Variants in RABGAP1L observed in about 807,000 individuals in gnomAD.
RABGAP1L encodes the protein rab GTPase-activating protein 1-like.
RABGAP1L carries 63 observed loss-of-function variants against 137.7 expected under a neutral mutation model. The ratio of observed to expected loss-of-function variants is 0.46; its 90% CI spans 0.37 to 0.56. RABGAP1L has a LOEUF of 0.56. Ranked by LOEUF, RABGAP1L falls within the 20% of genes least tolerant of loss-of-function variation. RABGAP1L has a pLI of 0.00. For synonymous variants in RABGAP1L, 431 were observed against 433.7 expected (o/e 0.99, Z 0.08); for missense variants, 1,095 against 1,244.0 (o/e 0.88, Z 1.80).
At chr1:174,465,172 A>G (rs1212135660) in intron 13 of RABGAP1L, among the ~76,000 whole-genome samples, 2 of 152,158 alleles carry the variant, frequency 1.3e-5, no homozygotes, top group Non-Finnish European at 2.9e-5. Flanking sequence ...TCTTTAACAC[A>G]TTGCTAATTC....
At chr1:174,587,433 T>G (rs1669209018) in intron 13 of RABGAP1L, among the ~76,000 whole-genome samples, 1 of 141,234 alleles carries the variant, frequency 7.1e-6, no homozygotes, top group Non-Finnish European at 1.5e-5. Context: ...CCCTAAAACT[T>G]AAAGTATAAT....
At chr1:174,775,194 C>T (rs1686425758) in intron 18 of RABGAP1L, among the ~76,000 whole-genome samples, 1 of 152,102 alleles carries the variant, frequency 6.6e-6, no homozygotes, top group African/African-American at 2.4e-5. Context: ...ATTCACATTC[C>T]ATTGACAAAA....
intron 7 of RABGAP1L, among the ~76,000 whole-genome samples, chr1:174,271,202 G>A (rs1052941187): frequency 1.6e-4 from 25 of 151,982 alleles, no homozygotes; most frequent in East Asian, 1.5e-3. Context: ...TGCTATGTAC[G>A]TGATCATTTT....
At chr1:174,334,196 C>T (rs958787304) in intron 11 of RABGAP1L, among the ~76,000 whole-genome samples, 1 of 152,190 alleles carries the variant, frequency 6.6e-6, no homozygotes, top group Non-Finnish European at 1.5e-5. Context: ...GACGGATACC[C>T]GATTCTCCCA....
At chr1:174,915,709 C>A (rs1486474940) in intron 19 of RABGAP1L, among the ~76,000 whole-genome samples, 8 of 152,224 alleles carry the variant, frequency 5.3e-5, no homozygotes, top group Non-Finnish European at 1.2e-4. Context: ...CCCACCTCGG[C>A]CTCCCAAAGT....
At chr1:174,598,230 A>C (rs987910523) in intron 13 of RABGAP1L, among the ~76,000 whole-genome samples, 6 of 150,078 alleles carry the variant, frequency 4.0e-5, no homozygotes, top group Non-Finnish European at 7.4e-5. Flanking sequence ...TGGGAGGCTG[A>C]GGCAGGGGAA....
chr1:174,160,693 A>C (rs1028959634), intron 1 of RABGAP1L, among the ~76,000 whole-genome samples: 1 of 152,216 alleles, frequency 6.6e-6, no homozygotes, highest in Non-Finnish European at 1.5e-5. Context: ...GATTTTTAAT[A>C]CATTTAAATT....
At chr1:174,320,903 A>T (rs935796239) in intron 11 of RABGAP1L, among the ~76,000 whole-genome samples, 1 of 152,196 alleles carries the variant, frequency 6.6e-6, no homozygotes, top group Non-Finnish European at 1.5e-5. Context: ...AGTGATGTTC[A>T]GGGAACAAGG....
At chr1:174,948,479 C>G (rs964968191) in intron 19 of RABGAP1L, among the ~76,000 whole-genome samples, 3 of 138,074 alleles carry the variant, frequency 2.2e-5, no homozygotes, top group African/African-American at 8.3e-5. Flanking sequence ...CACTGCACTT[C>G]AGCCGCAGCC....
chr1:174,334,654 C>A (rs1442368659), intron 11 of RABGAP1L, among the ~76,000 whole-genome samples: 1 of 152,146 alleles, frequency 6.6e-6, no homozygotes, highest in Non-Finnish European at 1.5e-5. Context: ...TCCCTCTCTA[C>A]CTGGAGCTCT....
chr1:174,372,015 G>T (rs1685150674), intron 12 of RABGAP1L, among the ~76,000 whole-genome samples: 1 of 151,980 alleles, frequency 6.6e-6, no homozygotes, highest in Non-Finnish European at 1.5e-5. Context: ...AAAGTATTGG[G>T]CCTGTTATTG....
At chr1:174,433,700 T>TA (rs978469476) in intron 13 of RABGAP1L, among the ~76,000 whole-genome samples, 82 of 152,320 alleles carry the variant, frequency 5.4e-4, no homozygotes, top group African/African-American at 1.8e-3. Context: ...TGGATATACT[T>TA]ACTCCATCCA....
chr1:174,550,032 A>G (rs1666305337), intron 13 of RABGAP1L, among the ~76,000 whole-genome samples: 1 of 152,106 alleles, frequency 6.6e-6, no homozygotes, highest in Non-Finnish European at 1.5e-5. Context: ...TCATAGTGAA[A>G]CCCCATCTCT....
At chr1:174,414,067 A>G (rs1650260545) in intron 13 of RABGAP1L, among the ~76,000 whole-genome samples, 2 of 152,170 alleles carry the variant, frequency 1.3e-5, no homozygotes, top group Admixed American at 1.3e-4. Context: ...GTTTTTATAA[A>G]TTATAATTTT....
rs977230870 is a variant in RABGAP1L, at chr1:174,827,748, C to A, written c.2340+15788C>A. ...TTGGCAAGGAATTTTCTCTGGCATG[C>A]ATGATAGCTTGTTAGAAGTTCTAAT... On this transcript the variant is annotated intron_variant, in intron 19 of 25. Coordinates refer to ENST00000681986, the MANE Select transcript of RABGAP1L (RefSeq NM_001366446.1). 1.4e-4 allele frequency among the ~76,000 whole-genome samples: 20 copies of A among 147,938 alleles called. 1 individual carries two copies. The highest frequency in any genetic ancestry group is 4.7e-4 in the African/African-American group (19 of 40,530).
intron 19 of RABGAP1L, among the ~76,000 whole-genome samples, chr1:174,837,411 C>T (rs12041631): frequency 1.3e-5 from 2 of 152,184 alleles, no homozygotes; most frequent in East Asian, 1.9e-4. Flanking sequence ...ATGAATGTAT[C>T]TTCTACTTGT....
chr1:174,514,555 C>T (rs530438716), intron 13 of RABGAP1L, among the ~76,000 whole-genome samples: 2 of 152,256 alleles, frequency 1.3e-5, no homozygotes, highest in Middle Eastern at 3.4e-3. Flanking sequence ...CTGCCATTTA[C>T]CATTTGCTAA....
chr1:174,853,130 A>G (rs1343918301), intron 19 of RABGAP1L, among the ~76,000 whole-genome samples: 1 of 151,998 alleles, frequency 6.6e-6, no homozygotes, highest in African/African-American at 2.4e-5. Flanking sequence ...GCCAAAACAC[A>G]TAAAATGGCT....
chr1:174,191,210 A>G (rs1183735292), intron 1 of RABGAP1L, among the ~76,000 whole-genome samples: 1 of 152,214 alleles, frequency 6.6e-6, no homozygotes, highest in African/African-American at 2.4e-5. Context: ...TATCTCAGGA[A>G]TGTGTGTGAA....
Sources: allele counts gnomAD v4.1 joint callset (sites outside exome capture counted in the v4.1 genomes callset), GRCh38; gene constraint gnomAD v4.1.1; transcripts MANE v1.5; gene names NCBI Gene and HGNC (gene_info 2026-07-23, HGNC 2026-07-21).